Variants in PLS1 observed in about 807,000 individuals in gnomAD.
PLS1 encodes plastin-1.
A neutral mutation model predicts 73.7 loss-of-function variants in PLS1; 32 were observed. The observed-to-expected ratio is 0.43, with a 90% CI of 0.33 to 0.58. The LOEUF is 0.58. Ranked by LOEUF, PLS1 falls within the 20% of genes least tolerant of loss-of-function variation. The pLI, the probability that PLS1 is intolerant of heterozygous loss-of-function variation, is 0.04. For missense variants in PLS1, 633 were observed against 740.5 expected (o/e 0.85, Z 1.68); for synonymous variants, 217 against 261.3 (o/e 0.83, Z 1.63).
At chr3:142,649,883 A>G (rs1445071490) in intron 1 of PLS1, among the ~76,000 whole-genome samples, 1 of 152,202 alleles carries the variant, frequency 6.6e-6, no homozygotes, top group African/African-American at 2.4e-5. Flanking sequence ...TTATCTAGAT[A>G]TAAACTTACT....
intron 1 of PLS1, among the ~76,000 whole-genome samples, chr3:142,630,338 T>C (rs1339633942): frequency 1.3e-5 from 2 of 151,058 alleles, no homozygotes; most frequent in African/African-American, 2.4e-5. Flanking sequence ...GGAGGATTGC[T>C]TGAGCCCAGG....
At chr3:142,668,674 T>C (rs1478033918) in intron 2 of PLS1, among the ~76,000 whole-genome samples, 2 of 151,752 alleles carry the variant, frequency 1.3e-5, no homozygotes, top group Non-Finnish European at 2.9e-5. Context: ...CAATCTCGGC[T>C]CACTGCAACT....
At chr3:142,690,685 C>G (rs1362373866) in intron 10 of PLS1, among the ~76,000 whole-genome samples, 1 of 152,172 alleles carries the variant, frequency 6.6e-6, no homozygotes. Context: ...CATTTAGGTT[C>G]TATAACATAT....
At chr3:142,630,127 A>T (rs1385072245) in intron 1 of PLS1, among the ~76,000 whole-genome samples, 3 of 152,162 alleles carry the variant, frequency 2.0e-5, no homozygotes, top group African/African-American at 4.8e-5. Flanking sequence ...CAGAAAAAAA[A>T]ATTTAAAATT....
At chr3:142,709,576 G>C (rs769120112) in intron 14 of PLS1, among the ~76,000 whole-genome samples, 9 of 152,172 alleles carry the variant, frequency 5.9e-5, no homozygotes, top group Non-Finnish European at 1.2e-4. Context: ...CACCACGGTG[G>C]GAGGCCGAGG....
intron 10 of PLS1, among the ~76,000 whole-genome samples, chr3:142,692,145 A>T (rs2107917322): frequency 6.6e-6 from 1 of 152,270 alleles, no homozygotes; most frequent in South Asian, 2.1e-4. Context: ...GGGAGGAGGA[A>T]AGCACTTCAT....
chr3:142,678,519 G>A (rs1331472729), intron 6 of PLS1, among the ~76,000 whole-genome samples: 1 of 148,336 alleles, frequency 6.7e-6, no homozygotes, highest in Non-Finnish European at 1.5e-5. Flanking sequence ...GAGAATATGT[G>A]GTGTTTGGTT....
chr3:142,684,523 T>A, intron 8 of PLS1, 128 bp downstream of exon 8: 1 of 732,114 alleles, frequency 1.4e-6, no homozygotes, highest in East Asian at 2.7e-5. Flanking sequence ...AAATTTGCAT[T>A]ACTGTGTGAA....
chr3:142,695,777 T>C (rs1458746432), intron 11 of PLS1, among the ~76,000 whole-genome samples: 5 of 110,176 alleles, frequency 4.5e-5, no homozygotes, highest in South Asian at 2.6e-4. Flanking sequence ...TATTTATTTA[T>C]TTATTTATTT....
At chr3:142,628,067 A>C (rs1398615376) in intron 1 of PLS1, among the ~76,000 whole-genome samples, 1 of 152,250 alleles carries the variant, frequency 6.6e-6, no homozygotes, top group African/African-American at 2.4e-5. Context: ...TACATAAAAG[A>C]AGCTCAGAGC....
At chr3:142,607,116 T>C (rs1182427584) in intron 1 of PLS1, among the ~76,000 whole-genome samples, 6 of 152,192 alleles carry the variant, frequency 3.9e-5, no homozygotes, top group Non-Finnish European at 1.5e-5. Context: ...TTTTAAATTA[T>C]GGCCGTTTTA....
chr3:142,656,257 C>T (rs1460701513), intron 1 of PLS1, among the ~76,000 whole-genome samples: 7 of 152,184 alleles, frequency 4.6e-5, no homozygotes, highest in African/African-American at 9.6e-5. Context: ...CCACTGCACT[C>T]GACCAATTTT....
intron 6 of PLS1, 77 bp from the exon 7 acceptor site, chr3:142,683,929 G>T: frequency 1.9e-6 from 2 of 1,049,590 alleles, no homozygotes; most frequent in Non-Finnish European, 1.4e-6. Context: ...GCAGTCCATT[G>T]TTTCTTATAG....
At position 142,712,007 on chromosome 3, in the gene PLS1, AT is replaced by A; in HGVS notation, c.*1del. 6.2e-7 allele frequency: 1 copy of A among 1,612,290 alleles called. No individual in the cohort carries two copies. Among genetic ancestry groups the A allele is most frequent in the East Asian group, 2.2e-5 (1 of 44,834 alleles). The stretch of plus-strand genomic sequence containing the variant: ...GAAAAGGACTGAACAGAATAAAATA[AT>A]CATTTCATATGATTTTCTGCCACAT... On this transcript the variant is annotated 3_prime_UTR_variant, in exon 16 of 16. Coordinates refer to ENST00000457734, the MANE Select transcript of PLS1 (RefSeq NM_001145319.2).
intron 3 of PLS1, among the ~76,000 whole-genome samples, chr3:142,670,130 C>T (rs927121401): frequency 6.6e-6 from 1 of 152,076 alleles, no homozygotes; most frequent in African/African-American, 2.4e-5. Context: ...GCTGGATAAC[C>T]CAGGGACTCA....
At chr3:142,635,569 C>T (rs532138464) in intron 1 of PLS1, among the ~76,000 whole-genome samples, 6 of 152,188 alleles carry the variant, frequency 3.9e-5, no homozygotes, top group Non-Finnish European at 5.9e-5. Flanking sequence ...TGCCACTACA[C>T]GCCAGCCTGA....
intron 1 of PLS1, among the ~76,000 whole-genome samples, chr3:142,604,293 T>TTA (rs1208518172): frequency 6.6e-6 from 1 of 152,160 alleles, no homozygotes; most frequent in African/African-American, 2.4e-5. Flanking sequence ...TGATATCAAG[T>TTA]TAGTATTTAT....
chr3:142,664,496 T>A (rs1405586377), intron 2 of PLS1, among the ~76,000 whole-genome samples, 189 bp downstream of exon 2: 1 of 152,230 alleles, frequency 6.6e-6, no homozygotes, highest in Non-Finnish European at 1.5e-5. Flanking sequence ...AATTTCTAGG[T>A]GAATTGGACT....
chr3:142,644,235 T>C (rs964894067), intron 1 of PLS1, among the ~76,000 whole-genome samples: 4 of 152,030 alleles, frequency 2.6e-5, no homozygotes, highest in African/African-American at 9.7e-5. Context: ...ACAGTGGTTT[T>C]CTTTGGTAGG....
Sources: gnomAD v4.1 joint callset for allele counts (sites outside exome capture counted in the v4.1 genomes callset) on GRCh38, gnomAD v4.1.1 for gene constraint, MANE v1.5 for transcripts, NCBI Gene and HGNC (gene_info 2026-07-23, HGNC 2026-07-21) for gene names.